Variants in SLC35D1 observed in about 807,000 individuals in gnomAD.
SLC35D1 encodes solute carrier family 35 member D1.
SLC35D1 carries 31 observed loss-of-function variants against 46.7 expected under a neutral mutation model. The ratio of observed to expected loss-of-function variants is 0.66; its 90% confidence interval spans 0.50 to 0.90. The LOEUF (loss-of-function observed/expected upper bound fraction) is 0.90, where lower values mean the gene tolerates loss of function less well. Ranked by LOEUF, SLC35D1 falls within the 40% of genes least tolerant of loss-of-function variation. The pLI, the probability that SLC35D1 is intolerant of heterozygous loss-of-function variation, is 0.00. For synonymous variants in SLC35D1, 195 were observed against 164.6 expected, an observed-to-expected ratio of 1.18 and a Z score of -1.41; for missense variants, 397 against 426.2, an observed-to-expected ratio of 0.93 and a Z score of 0.60.
rs188298631 is a variant in SLC35D1, at chr1:67,027,332, A to T, written c.730-5730T>A. 2.0e-3 allele frequency among the ~76,000 whole-genome samples: 302 copies of T among 152,296 alleles called. 2 individuals carry two copies. The highest frequency in any genetic ancestry group is 0.019 in the Admixed American group (287 of 15,306). On this transcript the variant is annotated intron_variant, in intron 8 of 11. Transcript: ENST00000235345. ...CAATTTTATTAATCTTTTTTAAAAA[A>T]AATCTTAGCTTTTAGTTTCATTGGT...
chr1:67,003,926 C>G lies in SLC35D1; in HGVS notation c.*414G>C, dbSNP rs1456854495. On this transcript the variant is annotated 3_prime_UTR_variant, in exon 12 of 12. Transcript: ENST00000235345. Reference sequence around the variant, plus strand: ...TTCACATATTCGTCTGCATTTCCAGCAGAGGAAAGGCTAAACTGCCTCCAG... The same window carrying G: ...TTCACATATTCGTCTGCATTTCCAGGAGAGGAAAGGCTAAACTGCCTCCAG... The G allele has an allele frequency of 4.9e-6, 1 of 203,158 alleles. No individual in the cohort carries two copies. Among genetic ancestry groups the G allele is most frequent in the Non-Finnish European group, 1.0e-5 (1 of 98,632 alleles). The allele number at this position is 203,158 out of a possible 1,614,324, so 12.6% of individuals were successfully genotyped here.
rs561427013 is a variant in SLC35D1 at position 67,008,384 on chromosome 1, G to A, written c.959+701C>T. On this transcript the variant is annotated intron_variant, in intron 11 of 11. Coordinates refer to ENST00000235345, the MANE Select transcript of SLC35D1 (RefSeq NM_015139.3). Reference sequence around the variant, plus strand: ...GATCTCTTGACCTTGTGATCTGCCCGCCTCAGCCTCCCAAAGTGGCACTAC... The same window carrying A: ...GATCTCTTGACCTTGTGATCTGCCCACCTCAGCCTCCCAAAGTGGCACTAC... 97 of 1,283,450 alleles carry A rather than the reference G, an allele frequency of 7.6e-5. 1 individual carries two copies. In the Admixed American group the frequency reaches 9.4e-4, roughly 12 times the overall value. The allele number at this position is 1,283,450 out of a possible 1,614,324, so 79.5% of individuals were successfully genotyped here.
chr1:67,049,422 T>C (rs980282577), intron 6 of SLC35D1, among the ~76,000 whole-genome samples: 2 of 152,250 alleles, frequency 1.3e-5, no homozygotes, highest in Non-Finnish European at 2.9e-5. Flanking sequence ...TAAGTTTTAG[T>C]TTCTTCAACT....
At chr1:66,991,731 T>C in the SLC35D1 span, among the ~76,000 whole-genome samples, 2 of 152,098 alleles carry the variant, frequency 1.3e-5, no homozygotes, top group Admixed American at 6.5e-5. Context: ...TTCCTCCATT[T>C]CAACCAAGGG....
chr1:67,038,116 T>G (rs1356906364), intron 8 of SLC35D1, among the ~76,000 whole-genome samples: 4 of 152,160 alleles, frequency 2.6e-5, no homozygotes, highest in African/African-American at 9.7e-5. Flanking sequence ...TAAAGAATAA[T>G]TGATCCAACC....
chr1:67,004,721 C>CATG (rs1156642633), intron 11 of SLC35D1, among the ~76,000 whole-genome samples: 1 of 152,108 alleles, frequency 6.6e-6, no homozygotes, highest in African/African-American at 2.4e-5. Context: ...TTTAAATGAA[C>CATG]ATGAGTATGT....
At chr1:66,995,453 A>AAAAACAAAAAAAAAAAAAC (rs1667229138), downstream of SLC35D1, among the ~76,000 whole-genome samples, 1 of 30,108 alleles carries the variant, frequency 3.3e-5, no homozygotes, top group Non-Finnish European at 7.5e-5. Context: ...AAAAAAAAAA[A>AAAAACAAAAAAAAAAAAAC]AAAAAAAAAA....
At chr1:67,028,128 C>T (rs1159275388) in intron 8 of SLC35D1, among the ~76,000 whole-genome samples, 1 of 152,140 alleles carries the variant, frequency 6.6e-6, no homozygotes, top group Non-Finnish European at 1.5e-5. Flanking sequence ...TGCTAATTTG[C>T]AAATATTTGG....
At chr1:67,021,691 TC>T in intron 8 of SLC35D1, 89 bp from the exon 9 acceptor site, 1 of 764,004 alleles carries the variant, frequency 1.3e-6, no homozygotes, top group Non-Finnish European at 2.1e-6. Flanking sequence ...CGAGTCTGCC[TC>T]CAACACAGAC....
chr1:67,052,661 G>C, intron 3 of SLC35D1, 110 bp downstream of exon 3: 1 of 1,063,404 alleles, frequency 9.4e-7, no homozygotes. Context: ...AACCACTCTA[G>C]ACTGGGCAAT....
downstream of SLC35D1, among the ~76,000 whole-genome samples, chr1:66,997,515 A>ATATATAT (rs1553262604): frequency 2.5e-4 from 7 of 28,062 alleles, no homozygotes; most frequent in African/African-American, 5.5e-4. Flanking sequence ...AAAAAAAAAA[A>ATATATAT]AAAAATATAT....
chr1:66,993,333 C>T, the SLC35D1 span, among the ~76,000 whole-genome samples: 1 of 152,176 alleles, frequency 6.6e-6, no homozygotes, highest in Admixed American at 6.5e-5. Context: ...TACCATCTGC[C>T]TTCAAAGGAC....
intron 8 of SLC35D1, among the ~76,000 whole-genome samples, chr1:67,032,375 G>A (rs1463182509): frequency 6.6e-6 from 1 of 151,734 alleles, no homozygotes; most frequent in Non-Finnish European, 1.5e-5. Context: ...ATACAGGCAT[G>A]CAATGTGTAA....
chr1:66,990,014 G>T, the SLC35D1 span, among the ~76,000 whole-genome samples: 1 of 152,190 alleles, frequency 6.6e-6, no homozygotes, highest in African/African-American at 2.4e-5. Context: ...AGCTAATAGT[G>T]GTGCCAGTCA....
At chr1:67,031,331 T>C in intron 8 of SLC35D1, among the ~76,000 whole-genome samples, 1 of 152,022 alleles carries the variant, frequency 6.6e-6, no homozygotes, top group East Asian at 1.9e-4. Flanking sequence ...CATTTGAAAG[T>C]ACAGCTGTAG....
the SLC35D1 span, among the ~76,000 whole-genome samples, chr1:66,993,497 G>T: frequency 1.3e-5 from 2 of 152,100 alleles, no homozygotes; most frequent in African/African-American, 4.8e-5. Context: ...TGGCAAGATG[G>T]GGACTCAGAT....
chr1:67,017,984 G>A (rs1419350512), intron 10 of SLC35D1, among the ~76,000 whole-genome samples: 1 of 151,960 alleles, frequency 6.6e-6, no homozygotes, highest in East Asian at 1.9e-4. Context: ...GAGGACTGAA[G>A]GAAATTAAAA....
intron 6 of SLC35D1, 114 bp downstream of exon 6, chr1:67,049,668 T>C: frequency 1.0e-6 from 1 of 983,058 alleles, no homozygotes. Context: ...TCTAGATGCT[T>C]TTCAAAGATA....
intron 8 of SLC35D1, among the ~76,000 whole-genome samples, chr1:67,025,037 C>G (rs1667889730): frequency 6.6e-6 from 1 of 152,134 alleles, no homozygotes; most frequent in South Asian, 2.1e-4. Flanking sequence ...TGTGAGCCAC[C>G]CTGCTGGCCC....
Sources: allele counts gnomAD v4.1 joint callset (sites outside exome capture counted in the v4.1 genomes callset), GRCh38; gene constraint gnomAD v4.1.1; transcripts MANE v1.5; gene names NCBI Gene and HGNC (gene_info 2026-07-23, HGNC 2026-07-21).